LAX1: variants seen among roughly 807,000 people sequenced by gnomAD.
LAX1 encodes the protein lymphocyte transmembrane adapter 1.
LAX1 carries 17 observed loss-of-function variants against 20.7 expected under a neutral mutation model. The observed-to-expected ratio is 0.82, with a 90% confidence interval of 0.56 to 1.23. The LOEUF (loss-of-function observed/expected upper bound fraction) is 1.23, where lower values mean the gene tolerates loss of function less well. LAX1 is among the 50% of genes most tolerant of loss of function. LAX1 has a pLI of 0.00. For missense variants in LAX1, 470 were observed against 487.0 expected, an observed-to-expected ratio of 0.97 and a Z score of 0.33; for synonymous variants, 165 against 181.0, an observed-to-expected ratio of 0.91 and a Z score of 0.71.
intron 1 of LAX1, among the ~76,000 whole-genome samples, chr1:203,770,463 AAGGAAGGAAGGAAGGAAGGAAGG>A (rs1667390918): frequency 1.8e-4 from 2 of 11,394 alleles, no homozygotes; most frequent in East Asian, 1.9e-3. Flanking sequence ...GAAAGGAAGG[AAGGAAGGAAGGAAGGAAGGAAGG>A]AAGGAAGGAA....
Position 203,765,249 on chromosome 1 carries a change from T to TC in LAX1, c.-312dup. ...GCCTCTCTTGAGCCTCTTGGCAGTT[T>TC]CCCCCTCTGTGCCCCTCACGTTTCC... On this transcript the variant is annotated 5_prime_UTR_variant, in exon 1 of 5. Transcript: ENST00000442561. The TC allele has an allele frequency of 8.8e-7, 1 of 1,142,294 alleles. No homozygotes were observed. 70.8% of individuals were successfully genotyped at this position (1,142,294 alleles called of 1,614,324 possible). A position where few individuals can be genotyped will look rare whatever the true frequency, so the allele number is the denominator to read the frequency against.
intron 1 of LAX1, among the ~76,000 whole-genome samples, chr1:203,767,500 GT>G (rs1667325115): frequency 1.3e-5 from 2 of 150,208 alleles, no homozygotes; most frequent in Non-Finnish European, 3.0e-5. Context: ...AGAGTTGGGG[GT>G]TTCTCCATGT....
In LAX1 at chr1:203,771,471, G is replaced by A; in HGVS notation, c.304G>A (p.Asp102Asn). 1 of 1,595,484 alleles carries A rather than the reference G, an allele frequency of 6.3e-7. No homozygotes were observed. The highest frequency in any genetic ancestry group is 8.6e-7 in the Non-Finnish European group (1 of 1,163,070). Residue 102 changes from aspartate to asparagine, a missense_variant, in exon 3 of 5, where the codon GAC (aspartate) becomes AAC (asparagine). Coordinates refer to ENST00000442561, the MANE Select transcript of LAX1 (RefSeq NM_017773.4). ...IYDILPWRQE[D>N]LGRHESRSMR... is the part of the protein sequence containing the mutation. The stretch of plus-strand genomic sequence containing the variant: ...TGACATCTTGCCTTGGCGACAGGAA[G>A]ACCTGGGTAGGTTTTTCCTTCTAAT...
In LAX1 at chr1:203,774,373, G is replaced by A. The variant is rs746533371; in HGVS notation, c.889G>A (p.Val297Ile). Residue 297 changes from valine (V) to isoleucine (I), a missense_variant, in exon 5 of 5, where the codon GTT (valine) becomes ATT (isoleucine). Coordinates refer to ENST00000442561, the MANE Select transcript of LAX1 (RefSeq NM_017773.4). Reference protein sequence around the residue: ...AFQCCRDYENVPAADPSGSQQ... With the variant: ...AFQCCRDYENIPAADPSGSQQ... ...TCAGTGCTGCAGAGACTATGAAAAT[G>A]TTCCAGCAGCAGATCCCAGTGGAAG... 9 of 1,614,106 alleles carry A rather than the reference G, an allele frequency of 5.6e-6. No individual in the cohort carries two copies. Among genetic ancestry groups the A allele is most frequent in the Admixed American group, 1.7e-5 (1 of 59,996 alleles).
chr1:203,770,510 G>GAAGAAAGAAAGAAAGA (rs1326354763), intron 1 of LAX1, among the ~76,000 whole-genome samples: 309 of 16,912 alleles, frequency 0.018, 10 homozygotes, highest in Non-Finnish European at 0.025. Context: ...AGGAAGGAAG[G>GAAGAAAGAAAGAAAGA]AAGAAAGAAA....
chr1:203,771,773 C>T (rs1667426544), intron 3 of LAX1, among the ~76,000 whole-genome samples: 1 of 152,126 alleles, frequency 6.6e-6, no homozygotes, highest in African/African-American at 2.4e-5. Context: ...GAAGAGAACT[C>T]GGTGCCAGCA....
chr1:203,769,774 G>A lies in LAX1; in HGVS notation c.90-1054G>A, dbSNP rs578167988. On this transcript the variant is annotated intron_variant, in intron 1 of 4. Transcript: ENST00000442561. ...GGAGACCAGCTCCACAAATTGGTGC[G>A]GGGGGGGGGGCGGCGGGGGGTGGGG... 44 of 92,890 alleles carry A rather than the reference G, an allele frequency of 4.7e-4. 1 individual carries two copies. Among genetic ancestry groups the A allele is most frequent in the Middle Eastern group, 4.2e-3 (1 of 236 alleles). 5.8% of individuals were successfully genotyped at this position (92,890 alleles called of 1,614,324 possible). A position where few individuals can be genotyped will look rare whatever the true frequency, so the allele number is the denominator to read the frequency against.
intron 1 of LAX1, among the ~76,000 whole-genome samples, chr1:203,770,125 T>C (rs547521548): frequency 6.6e-5 from 10 of 151,972 alleles, no homozygotes; most frequent in African/African-American, 2.2e-4. Context: ...AAAGATTAAA[T>C]AAGTTTCACA....
chr1:203,772,725 A>ATTTT (rs34901413), intron 4 of LAX1, among the ~76,000 whole-genome samples: 1 of 137,654 alleles, frequency 7.3e-6, no homozygotes, highest in Admixed American at 7.3e-5. Context: ...CGTGCCCAGC[A>ATTTT]TTTTTTTTTT....
At chr1:203,769,217 C>T (rs1667354170) in intron 1 of LAX1, among the ~76,000 whole-genome samples, 1 of 151,360 alleles carries the variant, frequency 6.6e-6, no homozygotes, top group African/African-American at 2.4e-5. Context: ...GGTGAAATCC[C>T]ATCTCTAATA....
chr1:203,765,857 T>C (rs7540760), intron 1 of LAX1, among the ~76,000 whole-genome samples: 29,507 of 151,956 alleles, frequency 0.19, 2,941 homozygotes, highest in Middle Eastern at 0.3. Context: ...AAAGAAAATA[T>C]TGTGGTAGAG....
chr1:203,775,056 A>G lies in LAX1; in HGVS notation c.*375A>G. The G allele has an allele frequency of 5.1e-6, 1 of 194,464 alleles. No homozygotes were observed. Among genetic ancestry groups the G allele is most frequent in the Non-Finnish European group, 1.1e-5 (1 of 94,694 alleles). 12.0% of individuals were successfully genotyped at this position (194,464 alleles called of 1,614,324 possible). A position where few individuals can be genotyped will look rare whatever the true frequency, so the allele number is the denominator to read the frequency against. ...TATTGTATAATCCAGTCAGAGGTCA[A>G]AAGGAAGGAAGAAGTTGGAGTGGAG... On this transcript the variant is annotated 3_prime_UTR_variant, in exon 5 of 5. Coordinates refer to ENST00000442561, the MANE Select transcript of LAX1 (RefSeq NM_017773.4).
At chr1:203,765,864 A>G (rs1667295942) in intron 1 of LAX1, among the ~76,000 whole-genome samples, 1 of 152,184 alleles carries the variant, frequency 6.6e-6, no homozygotes, top group South Asian at 2.1e-4. Flanking sequence ...ATATTGTGGT[A>G]GAGGAAAAAC....
chr1:203,769,450 AAAGAAAAGAAAAG>A (rs1558070006), intron 1 of LAX1, among the ~76,000 whole-genome samples: 1,643 of 114,442 alleles, frequency 0.014, 51 homozygotes, highest in South Asian at 0.078. Context: ...AGAAGGAAAG[AAAGAAAAGAAAAG>A]AAAGAAAGTT....
chr1:203,767,962 AT>A (rs112366965), intron 1 of LAX1, among the ~76,000 whole-genome samples: 26,729 of 149,346 alleles, frequency 0.18, 3,754 homozygotes, highest in East Asian at 0.67. Flanking sequence ...CTGTCTCAAA[AT>A]TTTTTTTTTT....
intron 1 of LAX1, among the ~76,000 whole-genome samples, chr1:203,769,261 G>A (rs929404960): frequency 1.6e-4 from 24 of 151,658 alleles, no homozygotes; most frequent in African/African-American, 2.4e-4. Flanking sequence ...GCGTGGTGGC[G>A]TGTGTCTATA....
At chr1:203,772,234 T>C (rs1571807302) in intron 4 of LAX1, 87 bp downstream of exon 4, 1 of 1,064,830 alleles carries the variant, frequency 9.4e-7, no homozygotes, top group Admixed American at 1.8e-5. Context: ...CTGGTTTCAC[T>C]GCAAACAAAC....
chr1:203,772,407 A>G (rs1667437267), intron 4 of LAX1, among the ~76,000 whole-genome samples: 1 of 152,116 alleles, frequency 6.6e-6, no homozygotes, highest in Non-Finnish European at 1.5e-5. Flanking sequence ...TGTCAGAACT[A>G]AAATTGATTG....
rs371890099 is a variant in LAX1 at position 203,772,117 on chromosome 1, C to T, written c.360C>T (p.Leu120=). The change falls in exon 4 of 5, where the codon CTC becomes CTT. Residue 120 remains leucine, a synonymous_variant. Transcript: ENST00000442561. ...GCATTTTCAGTACTGAGAGCCTCCT[C>T]TCCAGAAATTCTGAGAGCCCGGAGC... ...SMRIFSTESL[L]SRNSESPEHV... The T allele has an allele frequency of 3.7e-6, 6 of 1,614,076 alleles. No homozygotes were observed. Among genetic ancestry groups the T allele is most frequent in the Non-Finnish European group, 5.1e-6 (6 of 1,179,926 alleles).
Sources: allele counts gnomAD v4.1 joint callset (sites outside exome capture counted in the v4.1 genomes callset), GRCh38; gene constraint gnomAD v4.1.1; transcripts MANE v1.5; gene names NCBI Gene and HGNC (gene_info 2026-07-23, HGNC 2026-07-21).